The following AGBL4 variants were observed in gnomAD, a reference collection of about 807,000 sequenced individuals.
The protein encoded by AGBL4 is cytosolic carboxypeptidase 6.
A neutral mutation model predicts 66.4 loss-of-function variants in AGBL4; 58 were observed. That is an observed-to-expected ratio of 0.87 (90% CI 0.71 to 1.09). AGBL4 has a LOEUF of 1.09. Among genes scored for constraint, AGBL4 ranks in the 50% least tolerant of loss-of-function variants. The pLI is 0.00. For synonymous variants in AGBL4, 234 were observed against 222.9 expected (o/e 1.05, Z -0.44); for missense variants, 579 against 631.0 (o/e 0.92, Z 0.88).
intron 2 of AGBL4, among the ~76,000 whole-genome samples, chr1:49,739,359 A>C (rs1270798830): frequency 6.6e-6 from 1 of 152,208 alleles, no homozygotes; most frequent in African/African-American, 2.4e-5. Context: ...TAGAGAAAAA[A>C]GAATAAAAAG....
intron 6 of AGBL4, among the ~76,000 whole-genome samples, chr1:48,786,295 T>C (rs1006668625): frequency 2.0e-5 from 3 of 152,210 alleles, no homozygotes; most frequent in Non-Finnish European, 4.4e-5. Context: ...GTCAGTATTA[T>C]TAATATCTCC....
chr1:49,995,032 G>T (rs908973789), intron 1 of AGBL4: 12 of 434,720 alleles, frequency 2.8e-5, no homozygotes, highest in Admixed American at 1.7e-4. Context: ...TCTCAGAGGG[G>T]TCCATGGGGA....
intron 4 of AGBL4, among the ~76,000 whole-genome samples, chr1:49,054,523 A>G (rs1442922229): frequency 6.6e-6 from 1 of 152,036 alleles, no homozygotes; most frequent in Non-Finnish European, 1.5e-5. Flanking sequence ...TACTTGTTAA[A>G]TCAACAAACC....
chr1:48,968,228 CAGA>C (rs2148949621), intron 5 of AGBL4, among the ~76,000 whole-genome samples: 1 of 152,166 alleles, frequency 6.6e-6, no homozygotes, highest in East Asian at 1.9e-4. Flanking sequence ...AGTGAGGAAA[CAGA>C]AGAATAGTAG....
intron 5 of AGBL4, among the ~76,000 whole-genome samples, chr1:48,935,941 A>C (rs940663321): frequency 8.4e-6 from 1 of 119,476 alleles, no homozygotes; most frequent in African/African-American, 3.1e-5. Context: ...CCTGGGTGAC[A>C]GAGCGAGACT....
chr1:49,983,238 A>G (rs1659217643), intron 1 of AGBL4, among the ~76,000 whole-genome samples: 1 of 152,266 alleles, frequency 6.6e-6, no homozygotes, highest in African/African-American at 2.4e-5. Context: ...GGAGCTCTCC[A>G]AACCAGAACT....
At chr1:48,619,057 G>C (rs760527910) in intron 9 of AGBL4, among the ~76,000 whole-genome samples, 14 of 152,108 alleles carry the variant, frequency 9.2e-5, no homozygotes, top group Non-Finnish European at 1.6e-4. Context: ...GCTGCTGCTG[G>C]GCCCCTGGTG....
chr1:49,488,664 A>C (rs1299885899), intron 3 of AGBL4, among the ~76,000 whole-genome samples: 1 of 151,732 alleles, frequency 6.6e-6, no homozygotes, highest in Admixed American at 6.6e-5. Context: ...ATATTTTTGC[A>C]CACATTAACT....
intron 2 of AGBL4, among the ~76,000 whole-genome samples, chr1:49,699,949 T>C (rs1027973437): frequency 5.9e-5 from 9 of 151,916 alleles, no homozygotes; most frequent in Non-Finnish European, 1.2e-4. Flanking sequence ...ATGAATATGC[T>C]AATTTGCTTG....
At chr1:49,344,255 T>C (rs1401286544) in intron 3 of AGBL4, among the ~76,000 whole-genome samples, 1 of 152,048 alleles carries the variant, frequency 6.6e-6, no homozygotes, top group African/African-American at 2.4e-5. Flanking sequence ...GGCACATGTA[T>C]ACATATGTAA....
At chr1:50,000,587 AAAG>A (rs1482077147) in intron 1 of AGBL4, among the ~76,000 whole-genome samples, 6 of 152,178 alleles carry the variant, frequency 3.9e-5, no homozygotes, top group Admixed American at 2.0e-4. Context: ...ACTCAAAGGA[AAAG>A]AAGACATTAT....
chr1:49,515,584 C>T (rs867467066), intron 3 of AGBL4, among the ~76,000 whole-genome samples: 72 of 151,864 alleles, frequency 4.7e-4, no homozygotes, highest in Middle Eastern at 3.4e-3. Context: ...AAGACACATG[C>T]ACACATATGT....
At chr1:49,506,043 C>T (rs1189723682) in intron 3 of AGBL4, among the ~76,000 whole-genome samples, 1 of 151,904 alleles carries the variant, frequency 6.6e-6, no homozygotes, top group Non-Finnish European at 1.5e-5. Context: ...AATTGATCCT[C>T]ATTTCCTTAT....
chr1:49,934,692 G>A (rs1571901907), intron 1 of AGBL4, among the ~76,000 whole-genome samples: 2 of 152,076 alleles, frequency 1.3e-5, no homozygotes, highest in Non-Finnish European at 2.9e-5. Flanking sequence ...AATACCTATA[G>A]TAAGAATAAG....
In AGBL4 at chr1:48,559,335, T is replaced by C. The variant is rs533972186; in HGVS notation, c.1268-19597A>G. Among the ~76,000 whole-genome samples the C allele has an allele frequency of 6.6e-5, 10 of 152,240 alleles. No individual in the cohort carries two copies. The South Asian group carries it at 1.9e-3, about 28-fold the overall frequency. On this transcript the variant is annotated intron_variant, in intron 11 of 13. Transcript: ENST00000371839. ...CAGTTAGTACCTGTATGCAGGAAGA[T>C]GTGAGGAGGCACATGCATGTGTACA...
At chr1:48,788,962 A>G (rs1158473579) in intron 6 of AGBL4, among the ~76,000 whole-genome samples, 2 of 152,244 alleles carry the variant, frequency 1.3e-5, no homozygotes, top group African/African-American at 4.8e-5. Flanking sequence ...GAGACAAAGA[A>G]GAGGACTAAA....
At chr1:49,455,059 T>C (rs1234634315) in intron 3 of AGBL4, among the ~76,000 whole-genome samples, 1 of 151,704 alleles carries the variant, frequency 6.6e-6, no homozygotes, top group Non-Finnish European at 1.5e-5. Context: ...CTAGATCATC[T>C]AGCTAAAAGG....
chr1:49,333,858 T>C (rs191392751), intron 3 of AGBL4, among the ~76,000 whole-genome samples: 3 of 152,140 alleles, frequency 2.0e-5, no homozygotes, highest in Non-Finnish European at 4.4e-5. Context: ...CTATTTAAAT[T>C]TGTGGGACTT....
chr1:49,701,330 T>A (rs1464504568), intron 2 of AGBL4, among the ~76,000 whole-genome samples: 4 of 152,016 alleles, frequency 2.6e-5, no homozygotes, highest in Non-Finnish European at 2.9e-5. Context: ...TAAGATTTGC[T>A]AAGAGAGTAG....
Sources: allele counts gnomAD v4.1 joint callset (sites outside exome capture counted in the v4.1 genomes callset), GRCh38; gene constraint gnomAD v4.1.1; transcripts MANE v1.5; gene names NCBI Gene and HGNC (gene_info 2026-07-23, HGNC 2026-07-21).